Variants in EPDR1 observed in about 807,000 individuals in gnomAD.
EPDR1 encodes the protein ependymin related 1.
EPDR1 carries 27 observed loss-of-function variants against 23.7 expected under a neutral mutation model. That is an observed-to-expected ratio of 1.14 (90% CI 0.84 to 1.57). The LOEUF (loss-of-function observed/expected upper bound fraction) is 1.57. Ranked by LOEUF, EPDR1 falls within the 40% of genes most tolerant of loss-of-function variation. EPDR1 has a pLI of 0.00. For synonymous variants in EPDR1, 137 were observed against 118.2 expected, an observed-to-expected ratio of 1.16 and a Z score of -1.03; for missense variants, 349 against 290.4, an observed-to-expected ratio of 1.20 and a Z score of -1.47.
rs1441743571 is a variant in EPDR1, at chr7:37,951,631, G to A, written c.*1235G>A. ...TCTCTTGTCCCTGGTTTCCTTATGT[G>A]TTGAATGTGGTTGAGTTTGTCCATT... On this transcript the variant is annotated 3_prime_UTR_variant, in exon 3 of 3. Transcript: ENST00000199448. The A allele has an allele frequency of 6.6e-6, 1 of 152,212 alleles. No homozygotes were observed. The highest frequency in any genetic ancestry group is 1.5e-5 in the Non-Finnish European group (1 of 68,058). 9.4% of individuals were successfully genotyped at this position (152,212 alleles called of 1,614,324 possible). A position where few individuals can be genotyped will look rare whatever the true frequency, so the allele number is the denominator to read the frequency against.
chr7:37,948,922 C>G lies in EPDR1; in HGVS notation c.352C>G (p.Leu118Val). ...CACCAAGCAGTGCTCAAAGATGACC[C>G]TGACACAGCCCTGGGATCCTCTTGA... is the stretch of plus-strand genomic sequence containing the variant. Reference protein sequence around the residue: ...QATKQCSKMTLTQPWDPLDIP... With the variant: ...QATKQCSKMTVTQPWDPLDIP... The change falls in exon 2 of 3, where the codon CTG becomes GTG. Residue 118 changes from leucine to valine, a missense_variant. Coordinates refer to ENST00000199448, the MANE Select transcript of EPDR1 (RefSeq NM_017549.5). 3 of 1,614,132 alleles carry G rather than the reference C, an allele frequency of 1.9e-6. No homozygotes were observed. Among genetic ancestry groups the G allele is most frequent in the East Asian group, 2.2e-5 (1 of 44,866 alleles).
At chr7:37,935,315 C>T (rs957439468) in intron 1 of EPDR1, among the ~76,000 whole-genome samples, 2 of 152,304 alleles carry the variant, frequency 1.3e-5, no homozygotes, top group Admixed American at 1.3e-4. Flanking sequence ...CTCTATCCCA[C>T]CTGGATGAAT....
intron 1 of EPDR1, among the ~76,000 whole-genome samples, chr7:37,945,600 G>A (rs376124228): frequency 1.8e-4 from 28 of 152,360 alleles, no homozygotes; most frequent in African/African-American, 5.5e-4. Context: ...CATAGCCATA[G>A]TATGTGGTAG....
Position 37,950,492 on chromosome 7 carries a change from G to A in EPDR1, c.*96G>A. 8.9e-7 allele frequency: 1 copy of A among 1,124,184 alleles called. No homozygotes were observed. The highest frequency in any genetic ancestry group is 2.8e-5 in the Admixed American group (1 of 35,228). The allele number at this position is 1,124,184 out of a possible 1,614,324, so 69.6% of individuals were successfully genotyped here. ...CTAGTCAAGATGTGAATGCTAATTG[G>A]AGAGAAATATAATTTTAGGAAGATG... On this transcript the variant is annotated 3_prime_UTR_variant, in exon 3 of 3. Coordinates refer to ENST00000199448, the MANE Select transcript of EPDR1 (RefSeq NM_017549.5).
At chr7:37,942,132 T>A (rs1786181631) in intron 1 of EPDR1, among the ~76,000 whole-genome samples, 1 of 152,168 alleles carries the variant, frequency 6.6e-6, no homozygotes, top group African/African-American at 2.4e-5. Context: ...ATGAGTATAG[T>A]ACATATTGAA....
rs750392270 is a variant in EPDR1 at position 37,950,348 on chromosome 7, G to A, written c.627G>A (p.Thr209=). Residue 209 remains threonine, a synonymous_variant, in exon 3 of 3, where the codon ACG becomes ACA. Transcript: ENST00000199448. Reference sequence around the variant, plus strand: ...CCTCGGTGTTTACCCCTCCAAGCACGTGCCAGATGGCCCAACTGGAGAAGA... The same window carrying A: ...CCTCGGTGTTTACCCCTCCAAGCACATGCCAGATGGCCCAACTGGAGAAGA... ...KDPSVFTPPS[T]CQMAQLEKMS... 16 of 1,613,710 alleles carry A rather than the reference G, an allele frequency of 9.9e-6. No homozygotes were observed. The highest frequency in any genetic ancestry group is 1.3e-5 in the African/African-American group (1 of 74,900).
chr7:37,924,739 G>A (rs1562856373), intron 1 of EPDR1, among the ~76,000 whole-genome samples: 1 of 152,244 alleles, frequency 6.6e-6, no homozygotes, highest in Non-Finnish European at 1.5e-5. Flanking sequence ...GGAAAAGAAT[G>A]TTTAATGCAT....
rs954607777 is a variant in EPDR1 at position 37,951,532 on chromosome 7, A to G, written c.*1136A>G. The G allele has an allele frequency of 2.0e-5, 3 of 152,218 alleles. No homozygotes were observed. The highest frequency in any genetic ancestry group is 7.2e-5 in the African/African-American group (3 of 41,452). 9.4% of individuals were successfully genotyped at this position (152,218 alleles called of 1,614,324 possible). On this transcript the variant is annotated 3_prime_UTR_variant, in exon 3 of 3. Transcript: ENST00000199448. ...ACGGGTACCTTGTATGTTTACTTTT[A>G]TATCCCTAGCACAAAGCAAGTGCCT...
chr7:37,926,228 C>T (rs1785806436), intron 1 of EPDR1, among the ~76,000 whole-genome samples: 1 of 152,140 alleles, frequency 6.6e-6, no homozygotes, highest in African/African-American at 2.4e-5. Context: ...AACAATCTCA[C>T]ACCTACAGAA....
chr7:37,946,497 T>C (rs1237164745), intron 1 of EPDR1, among the ~76,000 whole-genome samples: 1 of 152,240 alleles, frequency 6.6e-6, no homozygotes, highest in African/African-American at 2.4e-5. Context: ...GTTGGGCTTT[T>C]TTTCCTATGT....
chr7:37,923,480 AG>A (rs1427521096), intron 1 of EPDR1, among the ~76,000 whole-genome samples: 1 of 152,176 alleles, frequency 6.6e-6, no homozygotes, highest in Admixed American at 6.5e-5. Context: ...TCCTTGCAAC[AG>A]GGCTTGACTT....
chr7:37,944,827 G>C (rs573807790), intron 1 of EPDR1, among the ~76,000 whole-genome samples: 1 of 152,282 alleles, frequency 6.6e-6, no homozygotes, highest in East Asian at 1.9e-4. Flanking sequence ...TGGATTTGGG[G>C]AGTGATGGCG....
Position 37,950,207 on chromosome 7 carries a change from C to T in EPDR1, c.486C>T (p.Thr162=). Residue 162 remains threonine (T), a synonymous_variant, in exon 3 of 3, where the codon ACC becomes ACT. Transcript: ENST00000199448. ...ACTTTTTTCCTCTTATAGATGAAAC[C>T]TGGATTGGCATCTATACAGTCAAGG... ...SDRKSARSYE[T]WIGIYTVKDC... is the part of the protein sequence containing the mutation. 6.3e-7 allele frequency: 1 copy of T among 1,594,836 alleles called. No individual in the cohort carries two copies. Among genetic ancestry groups the T allele is most frequent in the Non-Finnish European group, 8.6e-7 (1 of 1,166,636 alleles).
chr7:37,936,782 A>G (rs1231516035), intron 1 of EPDR1, among the ~76,000 whole-genome samples: 1 of 152,194 alleles, frequency 6.6e-6, no homozygotes, highest in Non-Finnish European at 1.5e-5. Context: ...AACCTTGTAT[A>G]GGAAAAAATT....
intron 1 of EPDR1, among the ~76,000 whole-genome samples, chr7:37,930,565 G>A (rs1409946394): frequency 2.6e-5 from 4 of 152,130 alleles, no homozygotes; most frequent in Non-Finnish European, 4.4e-5. Context: ...CCTGTCCCTT[G>A]TCACACACCC....
At position 37,920,862 on chromosome 7, in the gene EPDR1, G is replaced by C; in HGVS notation, c.-78G>C. 1.2e-6 allele frequency: 2 copies of C among 1,611,188 alleles called. No individual in the cohort carries two copies. The highest frequency in any genetic ancestry group is 8.5e-7 in the Non-Finnish European group (1 of 1,178,980). On this transcript the variant is annotated 5_prime_UTR_variant, in exon 1 of 3. Transcript: ENST00000199448. ...CCGGCACAGTGCGGAAAGAGCCGGC[G>C]GGAGCCACTCTGATCCCGGACGCCT...
At chr7:37,936,141 C>T (rs1389988100) in intron 1 of EPDR1, among the ~76,000 whole-genome samples, 1 of 55,152 alleles carries the variant, frequency 1.8e-5, no homozygotes, top group Non-Finnish European at 4.4e-5. Context: ...CAGACTAAGT[C>T]CAACAGCACA....
At chr7:37,928,515 C>T (rs552798358) in intron 1 of EPDR1, among the ~76,000 whole-genome samples, 3 of 152,302 alleles carry the variant, frequency 2.0e-5, no homozygotes, top group South Asian at 4.1e-4. Flanking sequence ...TGAACACCCT[C>T]CAATCACTTT....
chr7:37,939,321 C>T (rs981039101), intron 1 of EPDR1, among the ~76,000 whole-genome samples: 1 of 152,030 alleles, frequency 6.6e-6, no homozygotes, highest in Non-Finnish European at 1.5e-5. Flanking sequence ...TGAACTGCCA[C>T]TGTGGGCTTA....
Sources: allele counts gnomAD v4.1 joint callset (sites outside exome capture counted in the v4.1 genomes callset), GRCh38; gene constraint gnomAD v4.1.1; transcripts MANE v1.5; gene names NCBI Gene and HGNC (gene_info 2026-07-23, HGNC 2026-07-21).